The following PIGU variants were observed in gnomAD, a reference collection of about 807,000 sequenced individuals.
PIGU encodes the protein GPI-anchor transamidase component PIGU.
PIGU carries 24 observed loss-of-function variants against 49.9 expected under a neutral mutation model. The ratio of observed to expected loss-of-function variants is 0.48; its 90% CI spans 0.35 to 0.68. PIGU has a LOEUF of 0.68. Among genes scored for constraint, PIGU ranks in the 30% least tolerant of loss-of-function variants. The pLI is 0.01. For missense variants in PIGU, 490 were observed against 532.6 expected, an observed-to-expected ratio of 0.92 and a Z score of 0.79; for synonymous variants, 220 against 205.7, an observed-to-expected ratio of 1.07 and a Z score of -0.59.
chr20:34,673,731 A>G (rs1471949534), intron 1 of PIGU, among the ~76,000 whole-genome samples: 2 of 152,138 alleles, frequency 1.3e-5, no homozygotes, highest in African/African-American at 2.4e-5. Flanking sequence ...ATAATTTCCT[A>G]TTTTACAGAT....
chr20:34,628,713 T>C (rs979254116), intron 6 of PIGU, among the ~76,000 whole-genome samples: 1 of 152,070 alleles, frequency 6.6e-6, no homozygotes, highest in African/African-American at 2.4e-5. Flanking sequence ...TAGCCGGGCA[T>C]GGTGGTGCGT....
chr20:34,647,693 C>A (rs576314728), intron 2 of PIGU, among the ~76,000 whole-genome samples: 1 of 152,192 alleles, frequency 6.6e-6, no homozygotes, highest in African/African-American at 2.4e-5. Context: ...TAATTTCTTT[C>A]TGGCTTAACT....
chr20:34,634,594 A>G (rs1443527751), intron 6 of PIGU, 21 bp downstream of exon 6: 2 of 1,610,376 alleles, frequency 1.2e-6, no homozygotes, highest in Non-Finnish European at 1.7e-6. Flanking sequence ...TGACCTTTGT[A>G]CTCTCCTTTC....
At chr20:34,659,157 T>A (rs1600667658) in intron 1 of PIGU, among the ~76,000 whole-genome samples, 1 of 108,070 alleles carries the variant, frequency 9.3e-6, no homozygotes, top group African/African-American at 3.5e-5. Flanking sequence ...TACTGGGAAG[T>A]GAGGAGCCCC....
At chr20:34,642,790 C>A (rs1181632357) in intron 4 of PIGU, among the ~76,000 whole-genome samples, 1 of 128,284 alleles carries the variant, frequency 7.8e-6, no homozygotes, top group African/African-American at 2.9e-5. Context: ...AAAAGTTTCA[C>A]TCTGTTGCCC....
chr20:34,649,524 T>A (rs909979391), intron 2 of PIGU, among the ~76,000 whole-genome samples: 2 of 138,402 alleles, frequency 1.4e-5, no homozygotes, highest in African/African-American at 5.4e-5. Context: ...CATCTATACA[T>A]TTTTTTTTTT....
chr20:34,632,378 T>A (rs956188648), intron 6 of PIGU, among the ~76,000 whole-genome samples: 2 of 151,932 alleles, frequency 1.3e-5, no homozygotes, highest in African/African-American at 2.4e-5. Flanking sequence ...TACCCTTTTT[T>A]TTTTTTTTGA....
intron 7 of PIGU, among the ~76,000 whole-genome samples, chr20:34,591,621 A>G (rs1263398419): frequency 6.6e-6 from 1 of 152,232 alleles, no homozygotes; most frequent in Non-Finnish European, 1.5e-5. Flanking sequence ...AACGTAAAAT[A>G]AATTAGAAAA....
chr20:34,625,349 CA>C (rs1174015946), intron 6 of PIGU, among the ~76,000 whole-genome samples: 1 of 100,132 alleles, frequency 1.0e-5, no homozygotes. Flanking sequence ...GCCTGGGGAA[CA>C]AGAGCAAAAC....
intron 7 of PIGU, among the ~76,000 whole-genome samples, chr20:34,611,778 G>A (rs535907178): frequency 6.6e-6 from 1 of 151,682 alleles, no homozygotes; most frequent in East Asian, 1.9e-4. Flanking sequence ...ATCATCACTG[G>A]TCATTAGAGA....
intron 6 of PIGU, among the ~76,000 whole-genome samples, chr20:34,618,210 TA>T (rs1568642101): frequency 1.3e-5 from 2 of 152,230 alleles, no homozygotes; most frequent in African/African-American, 4.8e-5. Context: ...CTGCATTTTT[TA>T]AACTTTCTAA....
intron 1 of PIGU, among the ~76,000 whole-genome samples, chr20:34,673,336 A>G (rs1030854629): frequency 6.6e-6 from 1 of 151,802 alleles, no homozygotes; most frequent in Non-Finnish European, 1.5e-5. Flanking sequence ...CCTGCCTTTT[A>G]GGGTTTATAT....
At chr20:34,668,874 T>A (rs1247181026) in intron 1 of PIGU, among the ~76,000 whole-genome samples, 8 of 42,432 alleles carry the variant, frequency 1.9e-4, no homozygotes, top group African/African-American at 7.5e-4. Flanking sequence ...AAACTTTTTT[T>A]TTTTTTTTTT....
intron 11 of PIGU, among the ~76,000 whole-genome samples, chr20:34,564,097 G>C (rs1223016836): frequency 6.6e-6 from 1 of 152,122 alleles, no homozygotes; most frequent in African/African-American, 2.4e-5. Flanking sequence ...GAAGACACTG[G>C]GGAGATGTGA....
At chr20:34,651,936 C>A (rs1054247005) in intron 2 of PIGU, among the ~76,000 whole-genome samples, 11 of 151,812 alleles carry the variant, frequency 7.2e-5, no homozygotes, top group Admixed American at 2.6e-4. Flanking sequence ...AGACCCCCCC[C>A]ATCTCTACAA....
intron 6 of PIGU, among the ~76,000 whole-genome samples, chr20:34,630,110 A>C (rs1392624348): frequency 6.6e-6 from 1 of 152,090 alleles, no homozygotes; most frequent in Non-Finnish European, 1.5e-5. Flanking sequence ...GAAAAAAATC[A>C]AGTTGAAAGT....
intron 6 of PIGU, among the ~76,000 whole-genome samples, chr20:34,616,505 T>C (rs1328108480): frequency 6.6e-6 from 1 of 152,218 alleles, no homozygotes; most frequent in Non-Finnish European, 1.5e-5. Flanking sequence ...CCTACAATTA[T>C]TGCTTATGAT....
At chr20:34,658,179 G>A (rs1301373467) in intron 1 of PIGU, among the ~76,000 whole-genome samples, 4 of 152,238 alleles carry the variant, frequency 2.6e-5, no homozygotes, top group Non-Finnish European at 4.4e-5. Flanking sequence ...TTTTTTGGTG[G>A]AGACGGGGTT....
At chr20:34,581,710 C>A in intron 9 of PIGU, 38 bp from the exon 10 acceptor site, 1 of 1,605,458 alleles carries the variant, frequency 6.2e-7, no homozygotes, top group Non-Finnish European at 8.5e-7. Flanking sequence ...AGAGATGAGT[C>A]AGGGACCAGG....
Sources: gnomAD v4.1 joint callset for allele counts (sites outside exome capture counted in the v4.1 genomes callset) on GRCh38, gnomAD v4.1.1 for gene constraint, MANE v1.5 for transcripts, NCBI Gene and HGNC (gene_info 2026-07-23, HGNC 2026-07-21) for gene names.